Variants in LYPD5 observed in about 807,000 individuals in gnomAD.
LYPD5 encodes the protein ly6/PLAUR domain-containing protein 5.
LYPD5 carries 21 observed loss-of-function variants against 19.1 expected under a neutral mutation model. The ratio of observed to expected loss-of-function variants is 1.10; its 90% confidence interval spans 0.78 to 1.58. The LOEUF is 1.58. Among genes scored for constraint, LYPD5 ranks in the 40% most tolerant of loss-of-function variants. The pLI is 0.00. For missense variants in LYPD5, 287 were observed against 329.8 expected, an observed-to-expected ratio of 0.87 and a Z score of 1.00; for synonymous variants, 128 against 142.7, an observed-to-expected ratio of 0.90 and a Z score of 0.74.
Position 43,802,435 on chromosome 19 carries a change from G to C in LYPD5, c.-55C>G, listed in dbSNP as rs1028887436. On this transcript the variant is annotated 5_prime_UTR_variant, in exon 1 of 5. Coordinates refer to ENST00000377950, the MANE Select transcript of LYPD5 (RefSeq NM_001031749.3). ...TCCCGCTGTGATGTGCTGCCTGGCT[G>C]GTTCTCCTTACTGAGTCCTAAGCAT... 2.6e-6 allele frequency: 4 copies of C among 1,513,194 alleles called. No homozygotes were observed. The highest frequency in any genetic ancestry group is 3.9e-5 in the Admixed American group (2 of 50,926). The allele number at this position is 1,513,194 out of a possible 1,614,324, so 93.7% of individuals were successfully genotyped here.
upstream of LYPD5, among the ~76,000 whole-genome samples, chr19:43,804,490 C>T (rs923034953): frequency 6.6e-6 from 1 of 152,198 alleles, no homozygotes. Context: ...GCTTAACCAC[C>T]CTAGCATATT....
intron 1 of LYPD5, among the ~76,000 whole-genome samples, chr19:43,812,378 A>ATCTATCTATCTATC (rs1568406587): frequency 5.5e-4 from 30 of 54,968 alleles, no homozygotes; most frequent in African/African-American, 1.7e-3. Context: ...TCTATCTATC[A>ATCTATCTATCTATC]ATCTATCATC....
At chr19:43,803,194 C>T (rs1328309711), upstream of LYPD5, among the ~76,000 whole-genome samples, 2 of 151,672 alleles carry the variant, frequency 1.3e-5, no homozygotes, top group East Asian at 3.9e-4. Flanking sequence ...AGAGGGACAC[C>T]CCGATAGACA....
At chr19:43,808,782 C>G (rs1405984839) in intron 1 of LYPD5, among the ~76,000 whole-genome samples, 1 of 152,088 alleles carries the variant, frequency 6.6e-6, no homozygotes, top group African/African-American at 2.4e-5. Flanking sequence ...ATTTTCTGGT[C>G]CTGATTATTT....
intron 1 of LYPD5, chr19:43,820,475 T>C (rs1970409490): frequency 7.0e-6 from 1 of 142,192 alleles, no homozygotes; most frequent in Non-Finnish European, 1.5e-5. Flanking sequence ...CAAGTCTTCA[T>C]ACCCAGCCAC....
chr19:43,803,615 C>T (rs1195147735), upstream of LYPD5, among the ~76,000 whole-genome samples: 4 of 152,338 alleles, frequency 2.6e-5, no homozygotes, highest in East Asian at 1.9e-4. Flanking sequence ...TTCTTCCTCT[C>T]GGCCCTGGAT....
chr19:43,799,162 T>C, intron 2 of LYPD5, 174 bp from the exon 3 acceptor site: 1 of 680,298 alleles, frequency 1.5e-6, no homozygotes, highest in Non-Finnish European at 2.4e-6. Flanking sequence ...CTTCCTCCAC[T>C]CTTCCTCCCT....
At chr19:43,810,564 C>CT in intron 1 of LYPD5, among the ~76,000 whole-genome samples, 1 of 113,152 alleles carries the variant, frequency 8.8e-6, no homozygotes, top group African/African-American at 3.3e-5. Context: ...CCTTCCCCTC[C>CT]CCTCCCCTCC....
At chr19:43,802,258 A>T in intron 1 of LYPD5, 59 bp downstream of exon 1, 1 of 1,450,624 alleles carries the variant, frequency 6.9e-7, no homozygotes, top group African/African-American at 1.4e-5. Context: ...CTCCTCCCTC[A>T]GATCTAGGAG....
chr19:43,802,554 C>CGGCGA, upstream of LYPD5: 1 of 579,752 alleles, frequency 1.7e-6, no homozygotes, highest in Non-Finnish European at 3.1e-6. Flanking sequence ...CAGGGTGATC[C>CGGCGA]TCAGTTGCTG....
At chr19:43,806,717 A>G (rs1970273642), upstream of LYPD5, among the ~76,000 whole-genome samples, 1 of 152,166 alleles carries the variant, frequency 6.6e-6, no homozygotes, top group Non-Finnish European at 1.5e-5. Flanking sequence ...GCTCTCACTG[A>G]TTCTACATTA....
upstream of LYPD5, among the ~76,000 whole-genome samples, chr19:43,805,602 G>C (rs757281594): frequency 6.6e-6 from 1 of 152,178 alleles, no homozygotes; most frequent in Non-Finnish European, 1.5e-5. Context: ...CCGCCTCCCA[G>C]GTTCAAGTGA....
At chr19:43,814,330 A>C (rs1970352954) in intron 1 of LYPD5, among the ~76,000 whole-genome samples, 1 of 152,132 alleles carries the variant, frequency 6.6e-6, no homozygotes, top group Admixed American at 6.5e-5. Context: ...CATCTCTACA[A>C]AACATTCAAA....
intron 1 of LYPD5, among the ~76,000 whole-genome samples, chr19:43,815,331 C>T (rs754234089): frequency 2.0e-5 from 3 of 150,866 alleles, no homozygotes; most frequent in Non-Finnish European, 4.4e-5. Flanking sequence ...ATAGTGAGAA[C>T]CTATTTCTAA....
intron 1 of LYPD5, among the ~76,000 whole-genome samples, chr19:43,820,275 A>G (rs112286755): frequency 0.013 from 1,962 of 152,292 alleles, 39 homozygotes; most frequent in African/African-American, 0.045. Context: ...GTGTCACAAG[A>G]CATCCCAGCC....
Position 43,808,172 on chromosome 19 carries a change from C to T in LYPD5, c.-65-8338G>A, listed in dbSNP as rs559750656. Among the ~76,000 whole-genome samples the T allele has an allele frequency of 2.6e-5, 4 of 152,248 alleles. No homozygotes were observed. In the East Asian group the frequency reaches 7.7e-4, roughly 29 times the overall value. ...TGTTGCCTAGGCTGGAGTGCAGTGG[C>T]GTGATCTTGACTCACCACTGCCTCC... On this transcript the variant is annotated intron_variant, in intron 1 of 4. Coordinates refer to the LYPD5 transcript ENST00000414615.
At chr19:43,813,490 C>T (rs1970343850) in intron 1 of LYPD5, among the ~76,000 whole-genome samples, 1 of 152,146 alleles carries the variant, frequency 6.6e-6, no homozygotes, top group African/African-American at 2.4e-5. Flanking sequence ...TAGACTCCGG[C>T]ATTCCCTTAT....
chr19:43,803,963 G>A (rs751118964), upstream of LYPD5, among the ~76,000 whole-genome samples: 1 of 151,946 alleles, frequency 6.6e-6, no homozygotes, highest in Non-Finnish European at 1.5e-5. Flanking sequence ...TCAGCCTCCC[G>A]AGTAGCTGGG....
chr19:43,799,485 C>T lies in LYPD5; in HGVS notation c.193+221G>A, dbSNP rs1172743184. Among the ~76,000 whole-genome samples, 5 of 152,170 alleles carry T rather than the reference C, an allele frequency of 3.3e-5. No homozygotes were observed. The East Asian group carries it at 9.6e-4, about 29-fold the overall frequency. On this transcript the variant is annotated intron_variant, in intron 2 of 4. Coordinates refer to ENST00000377950, the MANE Select transcript of LYPD5 (RefSeq NM_001031749.3). ...GTCTCAAACTTCTGACCTCGTGATT[C>T]GCCAGCCTCTGCCTCCCAAAGTGCT...
Sources: allele counts gnomAD v4.1 joint callset (sites outside exome capture counted in the v4.1 genomes callset), GRCh38; gene constraint gnomAD v4.1.1; transcripts MANE v1.5; gene names NCBI Gene and HGNC (gene_info 2026-07-23, HGNC 2026-07-21).